The following ZNF486 variants were observed in gnomAD, a reference collection of about 807,000 sequenced individuals.
The protein encoded by ZNF486 is zinc finger protein 486.
ZNF486 carries 12 observed loss-of-function variants against 12.8 expected under a neutral mutation model. The observed-to-expected ratio is 0.94, with a 90% CI of 0.60 to 1.52. ZNF486 has a LOEUF of 1.52. ZNF486 is among the 40% of genes most tolerant of loss of function. The pLI, the probability that ZNF486 is intolerant of heterozygous loss-of-function variation, is 0.00. For missense variants in ZNF486, 738 were observed against 545.0 expected (o/e 1.35, Z -3.53); for synonymous variants, 231 against 184.9 (o/e 1.25, Z -2.02).
At chr19:20,168,012 G>A (rs1415999548) in intron 1 of ZNF486, among the ~76,000 whole-genome samples, 5 of 151,846 alleles carry the variant, frequency 3.3e-5, no homozygotes, top group African/African-American at 1.2e-4. Context: ...AGATTGTGCG[G>A]TCTGACCCCA....
chr19:20,185,376 T>G (rs532019754), intron 2 of ZNF486, among the ~76,000 whole-genome samples: 42 of 151,664 alleles, frequency 2.8e-4, no homozygotes, highest in Middle Eastern at 6.8e-3. Context: ...TATTTGTCAG[T>G]TTAGAAAGGT....
intron 1 of ZNF486, among the ~76,000 whole-genome samples, chr19:20,182,170 C>G (rs1332181337): frequency 6.6e-6 from 1 of 152,166 alleles, no homozygotes; most frequent in Non-Finnish European, 1.5e-5. Context: ...TGTGCTGTTC[C>G]TGCTTTCTCT....
chr19:20,186,230 A>G (rs552651509), intron 3 of ZNF486, 148 bp downstream of exon 3: 18 of 478,536 alleles, frequency 3.8e-5, no homozygotes, highest in African/African-American at 3.7e-4. Flanking sequence ...TTATTTATTT[A>G]TTTAATTTTT....
intron 1 of ZNF486, among the ~76,000 whole-genome samples, chr19:20,169,261 C>A (rs782713658): frequency 3.1e-4 from 47 of 152,160 alleles, no homozygotes; most frequent in South Asian, 4.1e-4. Context: ...ATTGCAGGCA[C>A]GCGCCGTCAC....
Position 20,197,899 on chromosome 19 carries a change from A to C in ZNF486, c.1189A>C (p.Arg397=). ...ATGGTCTGCAGGCCTCCATAAACAT[A>C]GGAGAACTCATACTGGAGAGAAACC... The part of the protein sequence containing the change: ...FTWSAGLHKH[R]RTHTGEKPYK... Residue 397 remains arginine (R), a synonymous_variant, in exon 4 of 4, where the codon AGG becomes CGG. Transcript: ENST00000335117. The C allele has an allele frequency of 6.2e-7, 1 of 1,613,224 alleles. No individual in the cohort carries two copies. The highest frequency in any genetic ancestry group is 8.5e-7 in the Non-Finnish European group (1 of 1,179,776).
intron 1 of ZNF486, among the ~76,000 whole-genome samples, chr19:20,181,524 G>A (rs1164341714): frequency 7.1e-6 from 1 of 141,012 alleles, no homozygotes; most frequent in African/African-American, 2.8e-5. Flanking sequence ...GGGTGGCAGC[G>A]AGACTCCATC....
chr19:20,180,019 G>A (rs531666347), intron 1 of ZNF486, among the ~76,000 whole-genome samples: 129 of 152,352 alleles, frequency 8.5e-4, no homozygotes, highest in African/African-American at 2.9e-3. Context: ...CTCCACCAAG[G>A]CAGTTGTTTT....
intron 1 of ZNF486, among the ~76,000 whole-genome samples, chr19:20,167,643 G>A (rs2089599385): frequency 6.6e-6 from 1 of 152,270 alleles, no homozygotes; most frequent in Non-Finnish European, 1.5e-5. Flanking sequence ...CAGATGGTGC[G>A]GGAACCACGA....
chr19:20,197,683 G>GT lies in ZNF486; in HGVS notation c.973_974insT (p.Asp325ValfsTer2). The stretch of plus-strand genomic sequence containing the variant: ...TACTGGAGAGAAACCGTACACGTGT[G>GT]ATAAATGTGGCAAAGCCTTTATTTC... On this transcript the variant is annotated frameshift_variant, in exon 4 of 4. Transcript: ENST00000335117. LOFTEE classifies it low-confidence loss of function (END_TRUNC). 6.2e-7 allele frequency: 1 copy of GT among 1,613,642 alleles called. No individual in the cohort carries two copies. The highest frequency in any genetic ancestry group is 8.5e-7 in the Non-Finnish European group (1 of 1,179,816).
intron 3 of ZNF486, among the ~76,000 whole-genome samples, chr19:20,195,401 T>C (rs1555717751): frequency 6.6e-6 from 1 of 152,152 alleles, no homozygotes; most frequent in East Asian, 1.9e-4. Context: ...ACTTCTGACC[T>C]CATGTATTTT....
intron 1 of ZNF486, among the ~76,000 whole-genome samples, chr19:20,168,247 T>C (rs1032912980): frequency 6.6e-6 from 1 of 152,102 alleles, no homozygotes; most frequent in Non-Finnish European, 1.5e-5. Flanking sequence ...TAATCCCAGC[T>C]ACTTGGGAGG....
intron 3 of ZNF486, among the ~76,000 whole-genome samples, chr19:20,195,354 A>G (rs1555717738): frequency 1.3e-5 from 2 of 152,110 alleles, no homozygotes; most frequent in East Asian, 3.8e-4. Flanking sequence ...TTTTTAGTAG[A>G]TACAGGGTTT....
In ZNF486 at chr19:20,198,418, G is replaced by C; in HGVS notation, c.*316G>C. ...GTGCCTGGCTGACAAAGCTTTTTAA[G>C]GAAGTTCTCAACCCTTATTACACAT... On this transcript the variant is annotated 3_prime_UTR_variant, in exon 4 of 4. Transcript: ENST00000335117. 1 of 279,392 alleles carries C rather than the reference G, an allele frequency of 3.6e-6. No individual in the cohort carries two copies. The highest frequency in any genetic ancestry group is 6.8e-6 in the Non-Finnish European group (1 of 146,166). The allele number at this position is 279,392 out of a possible 1,614,324, so 17.3% of individuals were successfully genotyped here.
rs577065610 is a variant in ZNF486, at chr19:20,186,820, G to C, written c.253+738G>C. On this transcript the variant is annotated intron_variant, in intron 3 of 3. Transcript: ENST00000335117. ...TTTTTTTGAGAAGGAGTCTTGCTCTGTTGCCCAGGCTGGAGTGCAGTGGTG... is the reference window on the plus strand; with the variant it reads ...TTTTTTTGAGAAGGAGTCTTGCTCTCTTGCCCAGGCTGGAGTGCAGTGGTG... Among the ~76,000 whole-genome samples the C allele has an allele frequency of 8.4e-5, 11 of 130,272 alleles. No homozygotes were observed. In the South Asian group the frequency reaches 2.6e-3, roughly 31 times the overall value. The allele number at this position is 130,272 out of a possible 152,430, so 85.5% of individuals were successfully genotyped here.
At chr19:20,169,960 G>C (rs113148885) in intron 1 of ZNF486, among the ~76,000 whole-genome samples, 1 of 145,210 alleles carries the variant, frequency 6.9e-6, no homozygotes, top group African/African-American at 2.6e-5. Flanking sequence ...GCGCGATCTC[G>C]GCTCACTGCA....
Position 20,190,253 on chromosome 19 carries a change from G to A in ZNF486, c.253+4171G>A, listed in dbSNP as rs554011414. On this transcript the variant is annotated intron_variant, in intron 3 of 3. Transcript: ENST00000335117. ...AAGAATAAAATTTTTTGACCCCTGA[G>A]CAAGAATATGTTGAATCAGAGTGTT... 2.9e-4 allele frequency among the ~76,000 whole-genome samples: 44 copies of A among 152,298 alleles called. No homozygotes were observed. In the South Asian group the frequency reaches 4.8e-3, roughly 16 times the overall value.
At chr19:20,175,504 G>A (rs887470360) in intron 1 of ZNF486, among the ~76,000 whole-genome samples, 7 of 151,044 alleles carry the variant, frequency 4.6e-5, no homozygotes, top group Non-Finnish European at 1.0e-4. Context: ...GTGTCCCTGG[G>A]TACTTGAGAT....
At chr19:20,183,142 A>G (rs184665703) in intron 1 of ZNF486, among the ~76,000 whole-genome samples, 143 of 152,310 alleles carry the variant, frequency 9.4e-4, no homozygotes, top group African/African-American at 3.3e-3. Context: ...AGCTTCTTAT[A>G]TGCCATGCAG....
chr19:20,186,119 A>G (rs1275572962), intron 3 of ZNF486, 37 bp downstream of exon 3: 2 of 1,502,814 alleles, frequency 1.3e-6, no homozygotes, highest in Non-Finnish European at 1.8e-6. Flanking sequence ...CAGACAATGC[A>G]GATAAGAGGT....
Sources: allele counts gnomAD v4.1 joint callset (sites outside exome capture counted in the v4.1 genomes callset), GRCh38; gene constraint gnomAD v4.1.1; transcripts MANE v1.5; gene names NCBI Gene and HGNC (gene_info 2026-07-23, HGNC 2026-07-21).